LRP1B: variants seen among roughly 807,000 people sequenced by gnomAD.
LRP1B encodes LDL receptor related protein 1B.
A neutral mutation model predicts 556.6 loss-of-function variants in LRP1B; 217 were observed. That is an observed-to-expected ratio of 0.39 (90% confidence interval 0.35 to 0.44). The LOEUF is 0.44. Ranked by LOEUF, LRP1B falls within the 20% of genes least tolerant of loss-of-function variation. LRP1B has a pLI of 1.00. For missense variants in LRP1B, 5,053 were observed against 5,620.8 expected (o/e 0.90, Z 3.23); for synonymous variants, 2,047 against 1,865.8 (o/e 1.10, Z -2.50).
At chr2:140,476,354 C>A (rs1293822451) in intron 59 of LRP1B, among the ~76,000 whole-genome samples, 8 of 151,964 alleles carry the variant, frequency 5.3e-5, no homozygotes, top group Middle Eastern at 6.9e-3. Flanking sequence ...TAATACTTAG[C>A]AATTAGTTCT....
intron 37 of LRP1B, among the ~76,000 whole-genome samples, chr2:140,710,924 A>G (rs1014019112): frequency 6.6e-6 from 1 of 152,076 alleles, no homozygotes; most frequent in African/African-American, 2.4e-5. Context: ...AAACATGTGG[A>G]AAGTAATGAC....
intron 1 of LRP1B, among the ~76,000 whole-genome samples, chr2:141,985,462 G>A (rs1046738040): frequency 2.6e-5 from 4 of 152,058 alleles, no homozygotes; most frequent in East Asian, 3.9e-4. Context: ...ACAATTTCAA[G>A]GAAACAATGA....
intron 35 of LRP1B, among the ~76,000 whole-genome samples, chr2:140,731,786 A>T (rs1209627179): frequency 6.6e-6 from 1 of 151,318 alleles, no homozygotes; most frequent in East Asian, 1.9e-4. Flanking sequence ...AAAAAAAAAA[A>T]AAAAGAAGCA....
At position 141,543,511 on chromosome 2, in the gene LRP1B, C is replaced by A. The variant is rs1401254088; in HGVS notation, c.206-62978G>T. 4.3e-5 allele frequency among the ~76,000 whole-genome samples: 4 copies of A among 92,128 alleles called. No homozygotes were observed. In the Admixed American group the frequency reaches 5.1e-4, roughly 12 times the overall value. The allele number at this position is 92,128 out of a possible 152,430, so 60.4% of individuals were successfully genotyped here. A position where few individuals can be genotyped will look rare whatever the true frequency, so the allele number is the denominator to read the frequency against. On this transcript the variant is annotated intron_variant, in intron 2 of 90. Coordinates refer to ENST00000389484, the MANE Select transcript of LRP1B (RefSeq NM_018557.3). ...ACTCCAGCCTGGGTAAGAAAGCGACCCTGTCTCAAAAAAAAAAAAAAAAAA... is the reference window on the plus strand; with the variant it reads ...ACTCCAGCCTGGGTAAGAAAGCGACACTGTCTCAAAAAAAAAAAAAAAAAA...
At chr2:140,681,804 C>T (rs1685868509) in intron 41 of LRP1B, among the ~76,000 whole-genome samples, 1 of 152,102 alleles carries the variant, frequency 6.6e-6, no homozygotes, top group Non-Finnish European at 1.5e-5. Flanking sequence ...AATCACGTTT[C>T]TATCTTTACT....
intron 2 of LRP1B, among the ~76,000 whole-genome samples, chr2:141,696,828 T>G (rs1691747733): frequency 6.6e-6 from 1 of 151,976 alleles, no homozygotes; most frequent in African/African-American, 2.4e-5. Context: ...GTTTTTATAT[T>G]TGAATGACAC....
intron 41 of LRP1B, among the ~76,000 whole-genome samples, chr2:140,646,607 T>TAC: frequency 6.6e-6 from 1 of 152,182 alleles, no homozygotes; most frequent in Admixed American, 6.5e-5. Flanking sequence ...AAAGTACACA[T>TAC]ATAGCATTCA....
chr2:141,120,985 C>A (rs932451345), intron 7 of LRP1B, among the ~76,000 whole-genome samples: 1 of 151,910 alleles, frequency 6.6e-6, no homozygotes, highest in Admixed American at 6.6e-5. Context: ...TTATTGGGAA[C>A]AATTTGAGGG....
At chr2:141,694,387 C>A (rs949976481) in intron 2 of LRP1B, among the ~76,000 whole-genome samples, 4 of 152,012 alleles carry the variant, frequency 2.6e-5, no homozygotes, top group Non-Finnish European at 4.4e-5. Context: ...GCCCTAGTGA[C>A]CCAGCCTTAG....
At chr2:141,494,408 T>G (rs1303927758) in intron 2 of LRP1B, among the ~76,000 whole-genome samples, 2 of 151,680 alleles carry the variant, frequency 1.3e-5, no homozygotes, top group Admixed American at 6.6e-5. Flanking sequence ...TGGGCTTGAG[T>G]TGAAGTTCAA....
rs541648426 is a variant in LRP1B, at chr2:141,810,888, G to A, written c.83-487C>T. On this transcript the variant is annotated intron_variant, in intron 1 of 90. Coordinates refer to ENST00000389484, the MANE Select transcript of LRP1B (RefSeq NM_018557.3). Reference sequence around the variant, plus strand: ...ATCCATCCTGATACTGGGGCTTCACGTCTCTACGTGAGTTGGATACCCAAT... The same window carrying A: ...ATCCATCCTGATACTGGGGCTTCACATCTCTACGTGAGTTGGATACCCAAT... Among the ~76,000 whole-genome samples the A allele has an allele frequency of 6.6e-5, 10 of 151,808 alleles. No individual in the cohort carries two copies. In the South Asian group the frequency reaches 1.5e-3, roughly 22 times the overall value.
intron 6 of LRP1B, among the ~76,000 whole-genome samples, chr2:141,193,713 C>T (rs1607447): frequency 0.37 from 55,521 of 151,004 alleles, 11,510 homozygotes; most frequent in Middle Eastern, 0.57. Flanking sequence ...CCCTTGTACC[C>T]CGAACCTAAA....
chr2:142,027,418 GT>G (rs1248772229), intron 1 of LRP1B, among the ~76,000 whole-genome samples: 1 of 150,900 alleles, frequency 6.6e-6, no homozygotes, highest in Admixed American at 6.6e-5. Flanking sequence ...TATATTTATA[GT>G]CTATAAATAT....
At chr2:141,943,129 G>C (rs1700860938) in intron 1 of LRP1B, among the ~76,000 whole-genome samples, 1 of 152,148 alleles carries the variant, frequency 6.6e-6, no homozygotes, top group Non-Finnish European at 1.5e-5. Context: ...GTAGCTAAGA[G>C]AGTTCAGAAA....
intron 1 of LRP1B, among the ~76,000 whole-genome samples, chr2:142,007,446 G>T (rs1198717809): frequency 6.6e-6 from 1 of 152,146 alleles, no homozygotes; most frequent in Non-Finnish European, 1.5e-5. Context: ...CTGACATAGA[G>T]AAAAGGGCTT....
intron 2 of LRP1B, among the ~76,000 whole-genome samples, chr2:141,562,465 C>T (rs1194397123): frequency 6.6e-6 from 1 of 151,898 alleles, no homozygotes; most frequent in Non-Finnish European, 1.5e-5. Flanking sequence ...CTCTACTACA[C>T]GTTCATGATT....
At chr2:140,958,182 C>T (rs989842225) in intron 18 of LRP1B, among the ~76,000 whole-genome samples, 7 of 151,336 alleles carry the variant, frequency 4.6e-5, no homozygotes, top group Non-Finnish European at 1.0e-4. Flanking sequence ...TAAAATTCAG[C>T]AGACCTAACA....
intron 1 of LRP1B, among the ~76,000 whole-genome samples, chr2:142,114,734 G>T (rs370516376): frequency 1.8e-4 from 27 of 152,094 alleles, no homozygotes; most frequent in East Asian, 1.3e-3. Context: ...TAGAGCAATA[G>T]ATACTGAAGC....
intron 2 of LRP1B, among the ~76,000 whole-genome samples, chr2:141,739,180 C>A (rs949896773): frequency 4.6e-5 from 7 of 152,108 alleles, no homozygotes; most frequent in Admixed American, 1.3e-4. Flanking sequence ...TTGAAGGTAA[C>A]AATAAAGTTT....
Sources: allele counts gnomAD v4.1 joint callset (sites outside exome capture counted in the v4.1 genomes callset), GRCh38; gene constraint gnomAD v4.1.1; transcripts MANE v1.5; gene names NCBI Gene and HGNC (gene_info 2026-07-23, HGNC 2026-07-21).